Variants in MAVS observed in about 807,000 individuals in gnomAD.
MAVS encodes the protein mitochondrial antiviral signaling protein, also known as mitochondrial antiviral-signaling protein.
A neutral mutation model predicts 30.2 loss-of-function variants in MAVS; 20 were observed. The observed-to-expected ratio is 0.66, with a 90% CI of 0.47 to 0.96. The LOEUF (loss-of-function observed/expected upper bound fraction) is 0.96, where lower values mean the gene tolerates loss of function less well. Ranked by LOEUF, MAVS falls within the 40% of genes least tolerant of loss-of-function variation. MAVS has a pLI of 0.00. For missense variants in MAVS, 624 were observed against 701.1 expected (o/e 0.89, Z 1.24); for synonymous variants, 278 against 293.9 (o/e 0.95, Z 0.55).
Position 3,854,266 on chromosome 20 carries a change from C to G in MAVS, c.-67-292C>G, listed in dbSNP as rs190302091. Among the ~76,000 whole-genome samples, 50 of 150,902 alleles carry G rather than the reference C, an allele frequency of 3.3e-4. 1 individual carries two copies. In the East Asian group the frequency reaches 8.8e-3, roughly 26 times the overall value. ...TGAAACCCCATCTCTACTAAAAATA[C>G]AAAAATTAGCTGGGCATGGTGGTGC... On this transcript the variant is annotated intron_variant, in intron 1 of 6. Coordinates refer to ENST00000428216, the MANE Select transcript of MAVS (RefSeq NM_020746.5).
At chr20:3,854,437 AAG>A in intron 1 of MAVS, 119 bp from the exon 2 acceptor site, 3 of 384,782 alleles carry the variant, frequency 7.8e-6, no homozygotes, top group Non-Finnish European at 9.2e-6. Context: ...AAAAAAAAAA[AAG>A]AAGAAATTAA....
intron 3 of MAVS, 195 bp downstream of exon 3, chr20:3,858,004 C>T (rs1304626487): frequency 6.2e-6 from 4 of 645,656 alleles, no homozygotes; most frequent in Non-Finnish European, 2.7e-6. Flanking sequence ...CCCTTAATTT[C>T]CCTGAGCCTC....
At chr20:3,848,341 T>C (rs1025368119) in intron 1 of MAVS, among the ~76,000 whole-genome samples, 8 of 152,060 alleles carry the variant, frequency 5.3e-5, no homozygotes, top group South Asian at 4.1e-4. Context: ...TCAAGTGATC[T>C]GCCTGCCTCG....
chr20:3,848,379 G>A (rs528620671), intron 1 of MAVS, among the ~76,000 whole-genome samples: 30 of 152,250 alleles, frequency 2.0e-4, no homozygotes, highest in Non-Finnish European at 3.1e-4. Flanking sequence ...GATTCCAGGC[G>A]TGAGCCACCG....
chr20:3,851,575 C>T (rs937347088), intron 1 of MAVS, among the ~76,000 whole-genome samples: 4 of 151,558 alleles, frequency 2.6e-5, no homozygotes, highest in African/African-American at 4.9e-5. Context: ...CTATCTGAGC[C>T]GTTTTAAGGG....
Position 3,870,338 on chromosome 20 carries a change from C to T in MAVS, c.*4191C>T, listed in dbSNP as rs2089944560. On this transcript the variant is annotated 3_prime_UTR_variant, in exon 7 of 7. Transcript: ENST00000428216. ...CTGCATATTAGCCCCTCTCCACCTT[C>T]TTTCTCCCGCTGAATCATTTCCCTC... 2 of 152,572 alleles carry T rather than the reference C, an allele frequency of 1.3e-5. No homozygotes were observed. The highest frequency in any genetic ancestry group is 4.1e-4 in the South Asian group (2 of 4,826). 9.5% of individuals were successfully genotyped at this position (152,572 alleles called of 1,614,324 possible).
At chr20:3,848,880 T>G (rs528081206) in intron 1 of MAVS, among the ~76,000 whole-genome samples, 1 of 152,158 alleles carries the variant, frequency 6.6e-6, no homozygotes, top group African/African-American at 2.4e-5. Context: ...TTTCTCTCCC[T>G]TATCTCCTAC....
At position 3,873,767 on chromosome 20, in the gene MAVS, AT is replaced by A; in HGVS notation, c.*7626del. 5.0e-6 allele frequency: 1 copy of A among 199,060 alleles called. No individual in the cohort carries two copies. The allele number at this position is 199,060 out of a possible 1,614,324, so 12.3% of individuals were successfully genotyped here. A position where few individuals can be genotyped will look rare whatever the true frequency, so the allele number is the denominator to read the frequency against. On this transcript the variant is annotated 3_prime_UTR_variant, in exon 7 of 7. Coordinates refer to ENST00000428216, the MANE Select transcript of MAVS (RefSeq NM_020746.5). ...CCAGCCTCTAGAACTGTGAGAAATA[AT>A]TTTTTGTTGTTTACAAATTACCCAG...
chr20:3,856,089 CTG>C (rs2089807402), intron 2 of MAVS, among the ~76,000 whole-genome samples: 1 of 147,376 alleles, frequency 6.8e-6, no homozygotes, highest in Non-Finnish European at 1.5e-5. Context: ...GAGTCTCACT[CTG>C]TCGCCCAGGC....
In MAVS at chr20:3,865,709, C is replaced by T. The variant is rs551189385; in HGVS notation, c.1185C>T (p.Ala395=). The change falls in exon 7 of 7, where the codon GCC becomes GCT. Residue 395 remains alanine (A), a synonymous_variant. Transcript: ENST00000428216. The surrounding 1 kb of genome is among the most constrained non-coding windows in gnomAD (Gnocchi z 4.7). ...AGACCCCAGCAGCTCCAACACCCGC[C>T]GGCGCCACTGGAGGCAGCTCAGCCT... ...NEETPAAPTP[A]GATGGSSAWL... 46 of 1,609,864 alleles carry T rather than the reference C, an allele frequency of 2.9e-5. No individual in the cohort carries two copies. The highest frequency in any genetic ancestry group is 5.3e-5 in the African/African-American group (4 of 74,982).
intron 2 of MAVS, 150 bp downstream of exon 2, chr20:3,854,891 C>A: frequency 2.3e-5 from 7 of 303,534 alleles, no homozygotes; most frequent in Middle Eastern, 1.0e-3. Flanking sequence ...TGCTGCTTTT[C>A]TTTTTTTTTT....
rs1693118037 is a variant in MAVS at position 3,862,349 on chromosome 20, C to T, written c.561C>T (p.Leu187=). The T allele has an allele frequency of 1.9e-6, 3 of 1,614,160 alleles. No homozygotes were observed. The highest frequency in any genetic ancestry group is 2.5e-6 in the Non-Finnish European group (3 of 1,180,038). ...PLESSSDLAA[L]SPLTSSGHQE... ...AGTCCTCCTCTGACCTGGCAGCCCT[C>T]AGCCCTCTGACCTCCAGCGGGCATC... Residue 187 remains leucine, a synonymous_variant, in exon 5 of 7, where the codon CTC becomes CTT. Transcript: ENST00000428216.
rs1472259331 is a variant in MAVS at position 3,874,045 on chromosome 20, G to A, written c.*7898G>A. ...ACCCAAATGTCCATCCACAGTTGAA[G>A]CTACAGTGAAGTCACAGGGTCGAAT... On this transcript the variant is annotated 3_prime_UTR_variant, in exon 7 of 7. Transcript: ENST00000428216. The A allele has an allele frequency of 2.5e-6, 1 of 398,086 alleles. No homozygotes were observed. Among genetic ancestry groups the A allele is most frequent in the East Asian group, 3.6e-5 (1 of 28,054 alleles). 24.7% of individuals were successfully genotyped at this position (398,086 alleles called of 1,614,324 possible). A position where few individuals can be genotyped will look rare whatever the true frequency, so the allele number is the denominator to read the frequency against.
chr20:3,850,104 T>C (rs922273783), intron 1 of MAVS, among the ~76,000 whole-genome samples: 7 of 150,176 alleles, frequency 4.7e-5, no homozygotes, highest in South Asian at 2.1e-4. Flanking sequence ...CGGTGAAACC[T>C]GTCTCTACTA....
In MAVS at chr20:3,864,487, G is replaced by C; in HGVS notation, c.857G>C (p.Gly286Ala). The change falls in exon 6 of 7, where the codon GGG becomes GCG. Residue 286 changes from glycine to alanine, a missense_variant. Transcript: ENST00000428216. ...DQAEPIICSSGAEAPANSLPS... is the reference protein window; with the variant it reads ...DQAEPIICSSAAEAPANSLPS... ...GCCGAGCCTATCATCTGCTCCAGTG[G>C]GGCAGAGGCACCTGCCAACTCTCTG... 1 of 1,613,998 alleles carries C rather than the reference G, an allele frequency of 6.2e-7. No homozygotes were observed. The highest frequency in any genetic ancestry group is 1.1e-5 in the South Asian group (1 of 91,082).
intron 2 of MAVS, among the ~76,000 whole-genome samples, chr20:3,855,792 T>C (rs1454310579): frequency 6.6e-6 from 1 of 152,248 alleles, no homozygotes; most frequent in Non-Finnish European, 1.5e-5. Flanking sequence ...AAAAAATTTT[T>C]TTTTGAGACG....
At chr20:3,858,437 T>C (rs2089831831) in intron 3 of MAVS, among the ~76,000 whole-genome samples, 1 of 152,068 alleles carries the variant, frequency 6.6e-6, no homozygotes, top group African/African-American at 2.4e-5. Flanking sequence ...CCCAGCACTT[T>C]GGGAGGCCGA....
At chr20:3,860,496 T>C (rs1488264171) in intron 3 of MAVS, among the ~76,000 whole-genome samples, 1 of 150,668 alleles carries the variant, frequency 6.6e-6, no homozygotes, top group East Asian at 2.0e-4. Flanking sequence ...TGCCTCAGCC[T>C]CTCGAGTAGC....
chr20:3,852,013 G>A (rs1174698420), intron 1 of MAVS, among the ~76,000 whole-genome samples: 1 of 89,284 alleles, frequency 1.1e-5, no homozygotes, highest in Non-Finnish European at 1.8e-5. Context: ...TTTTTCCCCC[G>A]AGACGGAATC....
Sources: gnomAD v4.1 joint callset for allele counts (sites outside exome capture counted in the v4.1 genomes callset) on GRCh38, gnomAD v4.1.1 for gene constraint, Gnocchi (gnomAD v3.1) non-coding constraint, MANE v1.5 for transcripts, NCBI Gene and HGNC (gene_info 2026-07-23, HGNC 2026-07-21) for gene names.